The following KCNK12 variants were observed in gnomAD, a reference collection of about 807,000 sequenced individuals.
The protein encoded by KCNK12 is potassium channel subfamily K member 12.
A neutral mutation model predicts 25.3 loss-of-function variants in KCNK12; 6 were observed. That is an observed-to-expected ratio of 0.24 (90% CI 0.13 to 0.47). KCNK12 has a LOEUF of 0.47. KCNK12 is among the 20% of genes least tolerant of loss of function. The pLI is 0.99. For synonymous variants in KCNK12, 331 were observed against 311.1 expected, an observed-to-expected ratio of 1.06 and a Z score of -0.67; for missense variants, 444 against 661.7, an observed-to-expected ratio of 0.67 and a Z score of 3.61.
chr2:47,570,267 C>A lies in KCNK12; in HGVS notation c.65G>T (p.Cys22Phe). Residue 22 changes from cysteine to phenylalanine, a missense_variant, in exon 1 of 2, where the codon TGC becomes TTC. Physicochemically the swap from Cys to Phe is radical, Grantham distance 205. Transcript: ENST00000327876. ...CGAACGGCGGCAGCAGCAGCAGCAG[C>A]AGGAGGGGCGCGGCAGGCGGCGGCG... Reference protein sequence around the residue: ...RSRRRLPRPSCCCCCCRRSHL... With the variant: ...RSRRRLPRPSFCCCCCRRSHL... The A allele has an allele frequency of 7.1e-7, 1 of 1,415,618 alleles. No individual in the cohort carries two copies. The highest frequency in any genetic ancestry group is 9.2e-7 in the Non-Finnish European group (1 of 1,085,348). The allele number at this position is 1,415,618 out of a possible 1,614,324, so 87.7% of individuals were successfully genotyped here.
rs187923774 is a variant in KCNK12 at position 47,528,684 on chromosome 2, C to A, written c.392-6876G>T. 6.6e-6 allele frequency among the ~76,000 whole-genome samples: 1 copy of A among 152,222 alleles called. No homozygotes were observed. Among genetic ancestry groups the A allele is most frequent in the Admixed American group, 6.5e-5 (1 of 15,286 alleles). On this transcript the variant is annotated intron_variant, in intron 1 of 1. Transcript: ENST00000327876. This position sits in a 1 kb window ranked among gnomAD's most constrained non-coding sequence, Gnocchi z 4.5. ...GTTTATGCCACAATTGATCTGCCAT[C>A]CCAGTTTGCAAAGAGCAGACACTTG...
Position 47,533,228 on chromosome 2 carries a change from C to G in KCNK12, c.392-11420G>C, listed in dbSNP as rs1479558565. 6.5e-5 allele frequency among the ~76,000 whole-genome samples: 3 copies of G among 46,086 alleles called. No homozygotes were observed. Among genetic ancestry groups the G allele is most frequent in the African/African-American group, 4.2e-4 (3 of 7,214 alleles). The allele number at this position is 46,086 out of a possible 152,430, so 30.2% of individuals were successfully genotyped here. A position where few individuals can be genotyped will look rare whatever the true frequency, so the allele number is the denominator to read the frequency against. ...GTTTTACCATGTTGGCCAGGCTGGT[C>G]TCCAACTCCTGACCTCAGGTGATCT... On this transcript the variant is annotated intron_variant, in intron 1 of 1. Coordinates refer to ENST00000327876, the MANE Select transcript of KCNK12 (RefSeq NM_022055.2). The surrounding 1 kb of genome is among the most constrained non-coding windows in gnomAD (Gnocchi z 4.7).
Position 47,532,415 on chromosome 2 carries a change from G to A in KCNK12, c.392-10607C>T, listed in dbSNP as rs549273546. ...CTTGCTCTGTCACCCAGGCTGGAGTGCAGTGGTATGATCTTAGTTCACTGC... is the reference window on the plus strand; with the variant it reads ...CTTGCTCTGTCACCCAGGCTGGAGTACAGTGGTATGATCTTAGTTCACTGC... On this transcript the variant is annotated intron_variant, in intron 1 of 1. Transcript: ENST00000327876. Among the ~76,000 whole-genome samples the A allele has an allele frequency of 7.7e-4, 117 of 152,140 alleles. 2 individuals are homozygous for A. In the South Asian group the frequency reaches 0.014, roughly 18 times the overall value.
chr2:47,560,751 G>C lies in KCNK12; in HGVS notation c.391+9190C>G, dbSNP rs1449181900. On this transcript the variant is annotated intron_variant, in intron 1 of 1. Coordinates refer to ENST00000327876, the MANE Select transcript of KCNK12 (RefSeq NM_022055.2). This position sits in a 1 kb window ranked among gnomAD's most constrained non-coding sequence, Gnocchi z 4.7. ...GAACTGGCAAACATGACATGTGGCA[G>C]GGAGGGGAGTCAATCAGGGAGACCA... Among the ~76,000 whole-genome samples the C allele has an allele frequency of 6.6e-6, 1 of 152,216 alleles. No homozygotes were observed. Among genetic ancestry groups the C allele is most frequent in the African/African-American group, 2.4e-5 (1 of 41,448 alleles).
At position 47,566,993 on chromosome 2, in the gene KCNK12, T is replaced by G. The variant is rs1019246926; in HGVS notation, c.391+2948A>C. The G allele has an allele frequency of 1.3e-5, 2 of 152,244 alleles. 1 individual carries two copies. The highest frequency in any genetic ancestry group is 4.1e-4 in the South Asian group (2 of 4,834). The allele number at this position is 152,244 out of a possible 1,614,324, so 9.4% of individuals were successfully genotyped here. ...TGATCCAGCTGCCCATGTTGGAATA[T>G]GCCTTAATCTCTGCCATGCAGAGTA... On this transcript the variant is annotated intron_variant, in intron 1 of 1. Coordinates refer to ENST00000327876, the MANE Select transcript of KCNK12 (RefSeq NM_022055.2). The surrounding 1 kb of genome is among the most constrained non-coding windows in gnomAD (Gnocchi z 4.1).
rs559722411 is a variant in KCNK12, at chr2:47,538,670, C to T, written c.392-16862G>A. ...CCTGTAATCCCAGTTACTTGGAAGG[C>T]TGAGGCAGGAGAATCATTTGAACCC... On this transcript the variant is annotated intron_variant, in intron 1 of 1. Transcript: ENST00000327876. This position sits in a 1 kb window ranked among gnomAD's most constrained non-coding sequence, Gnocchi z 4.5. Among the ~76,000 whole-genome samples the T allele has an allele frequency of 1.4e-4, 22 of 152,268 alleles. No individual in the cohort carries two copies. The highest frequency in any genetic ancestry group is 4.3e-4 in the African/African-American group (18 of 41,552).
At chr2:47,546,944 G>A (rs905474176) in intron 1 of KCNK12, among the ~76,000 whole-genome samples, 2 of 152,114 alleles carry the variant, frequency 1.3e-5, no homozygotes, top group African/African-American at 4.8e-5. Flanking sequence ...GAGGGGAACT[G>A]CCCTGAAGAA....
chr2:47,541,305 T>A (rs1669193951), intron 1 of KCNK12, among the ~76,000 whole-genome samples: 1 of 152,242 alleles, frequency 6.6e-6, no homozygotes, highest in Admixed American at 6.5e-5. Context: ...GGTTCAGTTA[T>A]TCCAGTTTCA....
At chr2:47,537,062 A>G (rs899207087) in intron 1 of KCNK12, among the ~76,000 whole-genome samples, 17 of 152,126 alleles carry the variant, frequency 1.1e-4, no homozygotes, top group African/African-American at 4.1e-4. Flanking sequence ...GGTTCTGTGA[A>G]ATGCTTATGC....
rs1669846377 is a variant in KCNK12 at position 47,569,541 on chromosome 2, C to T, written c.391+400G>A. On this transcript the variant is annotated intron_variant, in intron 1 of 1. Coordinates refer to ENST00000327876, the MANE Select transcript of KCNK12 (RefSeq NM_022055.2). This position sits in a 1 kb window ranked among gnomAD's most constrained non-coding sequence, Gnocchi z 4.1. ...AGACTATGAAAAGAAATAAAAGCGC[C>T]GAGGGTGGAGGGAGAAGGGGCTTTT... Among the ~76,000 whole-genome samples, 2 of 151,806 alleles carry T rather than the reference C, an allele frequency of 1.3e-5. No individual in the cohort carries two copies. The highest frequency in any genetic ancestry group is 2.1e-4 in the South Asian group (1 of 4,794).
chr2:47,570,310 G>T lies in KCNK12; in HGVS notation c.22C>A (p.Pro8Thr). The change falls in exon 1 of 2, where the codon CCC becomes ACC. Residue 8 changes from proline (P) to threonine (T), a missense_variant. Transcript: ENST00000327876. Reference protein sequence around the residue: MSSRSPRPPPRRSRRRLP... With the variant: MSSRSPRTPPRRSRRRLP... The stretch of plus-strand genomic sequence containing the variant: ...CGGCGGCGGCTACGGCGGGGCGGGG[G>T]CCGGGGGCTGCGGGAGGACATGGTC... The T allele has an allele frequency of 7.5e-7, 1 of 1,340,016 alleles. No individual in the cohort carries two copies. Among genetic ancestry groups the T allele is most frequent in the Non-Finnish European group, 9.5e-7 (1 of 1,048,770 alleles). 83.0% of individuals were successfully genotyped at this position (1,340,016 alleles called of 1,614,324 possible).
chr2:47,561,111 C>T (rs1327713664), intron 1 of KCNK12, among the ~76,000 whole-genome samples: 2 of 152,212 alleles, frequency 1.3e-5, no homozygotes, highest in African/African-American at 4.8e-5. Flanking sequence ...CAGCCAGCAT[C>T]TGGCTTCCCT....
chr2:47,564,431 T>C (rs774830599), intron 1 of KCNK12: 3 of 224,098 alleles, frequency 1.3e-5, no homozygotes, highest in Non-Finnish European at 2.7e-5. Context: ...AGCCCCAAAC[T>C]GGGAAACACC....
intron 1 of KCNK12, among the ~76,000 whole-genome samples, chr2:47,524,071 G>A (rs1668718055): frequency 6.6e-6 from 1 of 152,136 alleles, no homozygotes; most frequent in African/African-American, 2.4e-5. Context: ...AATGACTCAG[G>A]TGAGGGGAAA....
rs572213461 is a variant in KCNK12, at chr2:47,518,768, G to A, written c.*2139C>T. 0.066 allele frequency: 10,018 copies of A among 152,402 alleles called. 481 individuals carry two copies. The highest frequency in any genetic ancestry group is 0.11 in the Middle Eastern group (33 of 294). The allele number at this position is 152,402 out of a possible 1,614,324, so 9.4% of individuals were successfully genotyped here. On this transcript the variant is annotated 3_prime_UTR_variant, in exon 2 of 2. Coordinates refer to ENST00000327876, the MANE Select transcript of KCNK12 (RefSeq NM_022055.2). This position sits in a 1 kb window ranked among gnomAD's most constrained non-coding sequence, Gnocchi z 4.1. Reference sequence around the variant, plus strand: ...CCGCAGATCAAGTCCTCACTGTCTAGATGCCTCTATCATGGGGATCTCTTC... The same window carrying A: ...CCGCAGATCAAGTCCTCACTGTCTAAATGCCTCTATCATGGGGATCTCTTC...
Position 47,509,833 on chromosome 2 carries a change from C to T in KCNK12, c.*11074G>A, listed in dbSNP as rs549126471. Among the ~76,000 whole-genome samples, 3 of 152,222 alleles carry T rather than the reference C, an allele frequency of 2.0e-5. No individual in the cohort carries two copies. The highest frequency in any genetic ancestry group is 4.1e-4 in the South Asian group (2 of 4,826). On this transcript the variant is annotated 3_prime_UTR_variant, in exon 2 of 2. Transcript: ENST00000327876. ...GTGTAAGGCCAGGGGACTTCCCCCC[C>T]ACTCCCCAACCTGAGGCATGCACCC...
At chr2:47,532,654 T>C (rs537699436) in intron 1 of KCNK12, among the ~76,000 whole-genome samples, 28 of 152,348 alleles carry the variant, frequency 1.8e-4, no homozygotes, top group African/African-American at 6.3e-4. Flanking sequence ...TCTGGTAACA[T>C]TGGGAGCACC....
Position 47,512,546 on chromosome 2 carries a change from A to T in KCNK12, c.*8361T>A. 1 of 1,216,482 alleles carries T rather than the reference A, an allele frequency of 8.2e-7. No homozygotes were observed. Among genetic ancestry groups the T allele is most frequent in the East Asian group, 2.6e-5 (1 of 39,154 alleles). The allele number at this position is 1,216,482 out of a possible 1,614,324, so 75.4% of individuals were successfully genotyped here. On this transcript the variant is annotated 3_prime_UTR_variant, in exon 2 of 2. Transcript: ENST00000327876. ...GGAAGCTCTCAAAAATGGACCAGAAAGGGGTCAGGAATATAACTTTCTCTG... is the reference window on the plus strand; with the variant it reads ...GGAAGCTCTCAAAAATGGACCAGAATGGGGTCAGGAATATAACTTTCTCTG...
chr2:47,520,707 C>G lies in KCNK12; in HGVS notation c.*200G>C. 2.5e-6 allele frequency: 1 copy of G among 398,542 alleles called. No individual in the cohort carries two copies. Among genetic ancestry groups the G allele is most frequent in the East Asian group, 3.6e-5 (1 of 27,708 alleles). 24.7% of individuals were successfully genotyped at this position (398,542 alleles called of 1,614,324 possible). On this transcript the variant is annotated 3_prime_UTR_variant, in exon 2 of 2. Transcript: ENST00000327876. This position sits in a 1 kb window ranked among gnomAD's most constrained non-coding sequence, Gnocchi z 5.0. ...GGGGCCACGGTTCTCCAAGAGGGGA[C>G]TCACAAGGAACACAGGCGTCCCCAA... is the stretch of plus-strand genomic sequence containing the variant.
Sources: allele counts gnomAD v4.1 joint callset (sites outside exome capture counted in the v4.1 genomes callset), GRCh38; gene constraint gnomAD v4.1.1; non-coding constraint Gnocchi (gnomAD v3.1); transcripts MANE v1.5; gene names NCBI Gene and HGNC (gene_info 2026-07-23, HGNC 2026-07-21).